Variants in NBEAL1 observed in about 807,000 individuals in gnomAD.
NBEAL1 encodes neurobeachin-like protein 1.
NBEAL1 carries 273 observed loss-of-function variants against 351.3 expected under a neutral mutation model. That is an observed-to-expected ratio of 0.78 (90% confidence interval 0.70 to 0.86). The LOEUF is 0.86. Among genes scored for constraint, NBEAL1 ranks in the 40% least tolerant of loss-of-function variants. NBEAL1 has a pLI of 0.00. For synonymous variants in NBEAL1, 1,050 were observed against 1,086.4 expected, an observed-to-expected ratio of 0.97 and a Z score of 0.66; for missense variants, 2,961 against 3,201.3, an observed-to-expected ratio of 0.92 and a Z score of 1.81.
intron 31 of NBEAL1, among the ~76,000 whole-genome samples, chr2:203,143,868 G>A (rs1169705545): frequency 1.3e-5 from 2 of 152,026 alleles, no homozygotes; most frequent in African/African-American, 4.8e-5. Context: ...TAAAGATAAT[G>A]TCTCCCTCCA....
chr2:203,216,085 A>G (rs988715208), intron 55 of NBEAL1, among the ~76,000 whole-genome samples: 7 of 152,046 alleles, frequency 4.6e-5, no homozygotes, highest in East Asian at 1.9e-4. Flanking sequence ...GCAACAAACC[A>G]TAGGGGATTT....
chr2:203,195,519 A>C (rs2065216445), intron 47 of NBEAL1, among the ~76,000 whole-genome samples: 1 of 152,218 alleles, frequency 6.6e-6, no homozygotes, highest in African/African-American at 2.4e-5. Context: ...ATGTGTTGGG[A>C]GTCTCCAAGA....
intron 12 of NBEAL1, among the ~76,000 whole-genome samples, chr2:203,107,172 C>G (rs993465706): frequency 2.0e-5 from 3 of 151,994 alleles, no homozygotes. Flanking sequence ...AATTCTATAA[C>G]ACAGTTATTG....
chr2:203,059,694 C>CT (rs1396635556), intron 6 of NBEAL1, among the ~76,000 whole-genome samples: 1 of 152,210 alleles, frequency 6.6e-6, no homozygotes, highest in Non-Finnish European at 1.5e-5. Context: ...CCTTTTATCT[C>CT]TGCTTATGCC....
chr2:203,176,808 A>G (rs914858238), intron 42 of NBEAL1, among the ~76,000 whole-genome samples: 1 of 151,494 alleles, frequency 6.6e-6, no homozygotes, highest in African/African-American at 2.4e-5. Context: ...GATTTTTTTT[A>G]CAAAGCTTCA....
At chr2:203,169,460 A>G (rs13403589) in intron 38 of NBEAL1, among the ~76,000 whole-genome samples, 132,411 of 150,328 alleles carry the variant, frequency 0.88, 59,525 homozygotes, top group Non-Finnish European at 0.96. Context: ...CAGCACTTTG[A>G]GAGCTTGAGG....
intron 2 of NBEAL1, among the ~76,000 whole-genome samples, chr2:203,033,229 T>C (rs1017371547): frequency 2.0e-5 from 3 of 152,062 alleles, no homozygotes; most frequent in Non-Finnish European, 4.4e-5. Flanking sequence ...CTCGATCTCC[T>C]GACCTCGTGA....
intron 4 of NBEAL1, among the ~76,000 whole-genome samples, chr2:203,055,680 T>C (rs2061391638): frequency 6.6e-6 from 1 of 152,166 alleles, no homozygotes; most frequent in Non-Finnish European, 1.5e-5. Flanking sequence ...TTTTAAGATA[T>C]ATGTTTTACA....
chr2:203,115,190 C>T (rs553566066), intron 17 of NBEAL1, among the ~76,000 whole-genome samples: 21 of 149,666 alleles, frequency 1.4e-4, no homozygotes, highest in Non-Finnish European at 2.8e-4. Context: ...TGCAATGGCA[C>T]GACCTCAGCT....
At position 203,016,350 on chromosome 2, in the gene NBEAL1, T is replaced by C. The variant is rs758111237; in HGVS notation, c.-35T>C. The C allele has an allele frequency of 3.5e-6, 5 of 1,424,010 alleles. No homozygotes were observed. The South Asian group carries it at 6.0e-5, about 17-fold the overall frequency. The allele number at this position is 1,424,010 out of a possible 1,614,324, so 88.2% of individuals were successfully genotyped here. ...GCTGTAGTCTTGAACATAATTTTTTTAAGGAAAACTTAAAGTGCCAGAGTG... is the reference window on the plus strand; with the variant it reads ...GCTGTAGTCTTGAACATAATTTTTTCAAGGAAAACTTAAAGTGCCAGAGTG... On this transcript the variant is annotated 5_prime_UTR_variant, in exon 2 of 56. Transcript: ENST00000683969.
In NBEAL1 at chr2:203,219,177, T is replaced by A. The variant is rs1274382254; in HGVS notation, c.*1823T>A. 1 of 152,054 alleles carries A rather than the reference T, an allele frequency of 6.6e-6. No homozygotes were observed. Among genetic ancestry groups the A allele is most frequent in the African/African-American group, 2.4e-5 (1 of 41,414 alleles). The allele number at this position is 152,054 out of a possible 1,614,324, so 9.4% of individuals were successfully genotyped here. On this transcript the variant is annotated 3_prime_UTR_variant, in exon 56 of 56. Transcript: ENST00000683969. ...TTACAGTTTTTTAGGAGATTTCAAG[T>A]CGGCAGAACTAACATGATTGATTTT...
rs1167180428 is a variant in NBEAL1, at chr2:203,135,748, C to A, written c.3885C>A (p.Thr1295=). 1 of 1,585,786 alleles carries A rather than the reference C, an allele frequency of 6.3e-7. No individual in the cohort carries two copies. Among genetic ancestry groups the A allele is most frequent in the Non-Finnish European group, 8.6e-7 (1 of 1,164,754 alleles). The change falls in exon 28 of 56, where the codon ACC becomes ACA. Residue 1295 remains threonine, a synonymous_variant. Coordinates refer to ENST00000683969, the MANE Select transcript of NBEAL1 (RefSeq NM_001378026.1). ...QISQQVGWQD[T]LVRLFLKAKF... Reference sequence around the variant, plus strand: ...CACAGCAAGTGGGTTGGCAAGACACCTTAGTTAGGCTTTTTTTAAAAGCAA... The same window carrying A: ...CACAGCAAGTGGGTTGGCAAGACACATTAGTTAGGCTTTTTTTAAAAGCAA...
At chr2:203,183,118 CGTT>C (rs1553500787) in intron 43 of NBEAL1, 158 bp from the exon 44 acceptor site, 1 of 413,684 alleles carries the variant, frequency 2.4e-6, no homozygotes, top group Non-Finnish European at 4.3e-6. Flanking sequence ...ATTTAAAACT[CGTT>C]ATTTTTGTTT....
intron 3 of NBEAL1, among the ~76,000 whole-genome samples, chr2:203,048,491 G>C (rs1002421819): frequency 3.9e-5 from 6 of 152,112 alleles, no homozygotes; most frequent in African/African-American, 1.4e-4. Context: ...GAGGGAGGGA[G>C]GTATTCTCTG....
intron 12 of NBEAL1, among the ~76,000 whole-genome samples, chr2:203,104,528 G>T (rs1174971286): frequency 6.6e-6 from 1 of 152,158 alleles, no homozygotes; most frequent in African/African-American, 2.4e-5. Context: ...GGGGAATTTA[G>T]CCCATATACA....
intron 2 of NBEAL1, among the ~76,000 whole-genome samples, chr2:203,025,079 A>C (rs772638318): frequency 2.0e-5 from 3 of 152,126 alleles, no homozygotes; most frequent in Non-Finnish European, 4.4e-5. Context: ...AAGGACCTTT[A>C]TTGGTCTGTG....
intron 2 of NBEAL1, among the ~76,000 whole-genome samples, chr2:203,025,149 C>G (rs1463679348): frequency 6.6e-6 from 1 of 152,156 alleles, no homozygotes; most frequent in East Asian, 1.9e-4. Flanking sequence ...ACCTTAGAAT[C>G]CATCTGTAAA....
At chr2:203,206,390 C>G (rs2065558906) in intron 51 of NBEAL1, among the ~76,000 whole-genome samples, 1 of 152,016 alleles carries the variant, frequency 6.6e-6, no homozygotes, top group Admixed American at 6.5e-5. Flanking sequence ...CCCTCTCCCT[C>G]TCCCTCTCTC....
chr2:203,025,388 G>T (rs1400569066), intron 2 of NBEAL1, among the ~76,000 whole-genome samples: 1 of 152,056 alleles, frequency 6.6e-6, no homozygotes, highest in Non-Finnish European at 1.5e-5. Context: ...TGATAACTCC[G>T]AGCATTCTCG....
Sources: gnomAD v4.1 joint callset for allele counts (sites outside exome capture counted in the v4.1 genomes callset) on GRCh38, gnomAD v4.1.1 for gene constraint, MANE v1.5 for transcripts, NCBI Gene and HGNC (gene_info 2026-07-23, HGNC 2026-07-21) for gene names.